EIPR1: variants seen among roughly 807,000 people sequenced by gnomAD.
EIPR1 encodes EARP complex and GARP complex interacting protein 1.
In EIPR1, 25 loss-of-function variants were observed where a neutral mutation model predicts 48.1. That is an observed-to-expected ratio of 0.52 (90% CI 0.38 to 0.73). EIPR1 has a LOEUF of 0.73. EIPR1 is among the 30% of genes least tolerant of loss of function. EIPR1 has a pLI of 0.00. For missense variants in EIPR1, 415 were observed against 506.2 expected (o/e 0.82, Z 1.73); for synonymous variants, 204 against 201.9 (o/e 1.01, Z -0.09).
intron 4 of EIPR1, among the ~76,000 whole-genome samples, chr2:3,249,423 G>C (rs530686784): frequency 6.6e-6 from 1 of 152,210 alleles, no homozygotes; most frequent in Non-Finnish European, 1.5e-5. Flanking sequence ...GTATTCAAGA[G>C]GTAGCCTGGC....
At chr2:3,325,495 G>T (rs555336761) in intron 3 of EIPR1, among the ~76,000 whole-genome samples, 1 of 152,162 alleles carries the variant, frequency 6.6e-6, no homozygotes, top group African/African-American at 2.4e-5. Context: ...CTCGAGGGCC[G>T]CCCAGTGAAA....
chr2:3,296,133 C>G (rs1337756225), intron 3 of EIPR1, among the ~76,000 whole-genome samples: 1 of 136,726 alleles, frequency 7.3e-6, no homozygotes, highest in Admixed American at 7.3e-5. Flanking sequence ...CCAGCCCATC[C>G]TCTCTGCACA....
chr2:3,189,536 C>G lies in EIPR1; in HGVS notation c.990-28G>C. 4 of 1,516,554 alleles carry G rather than the reference C, an allele frequency of 2.6e-6. No homozygotes were observed. The highest frequency in any genetic ancestry group is 3.6e-6 in the Non-Finnish European group (4 of 1,118,784). The allele number at this position is 1,516,554 out of a possible 1,614,324, so 93.9% of individuals were successfully genotyped here. A position where few individuals can be genotyped will look rare whatever the true frequency, so the allele number is the denominator to read the frequency against. On this transcript the variant is annotated intron_variant, in intron 8 of 8. Transcript: ENST00000382125. The surrounding 1 kb of genome is among the most constrained non-coding windows in gnomAD (Gnocchi z 4.6). The stretch of plus-strand genomic sequence containing the variant: ...GCAATGCAACAGAGGCAGACGTGAG[C>G]GCAGCAGCTCCGGCGGGGCGGGCAG...
chr2:3,239,655 G>T (rs905720693), intron 4 of EIPR1, among the ~76,000 whole-genome samples: 3 of 151,690 alleles, frequency 2.0e-5, no homozygotes, highest in African/African-American at 7.3e-5. Context: ...ATGTGGCCCT[G>T]CCCTCAGCAC....
rs541734612 is a variant in EIPR1, at chr2:3,305,811, T to A, written c.259+32206A>T. Among the ~76,000 whole-genome samples the A allele has an allele frequency of 3.9e-5, 6 of 152,354 alleles. No homozygotes were observed. The East Asian group carries it at 1.2e-3, about 29-fold the overall frequency. On this transcript the variant is annotated intron_variant, in intron 3 of 8. Transcript: ENST00000382125. ...CTATATCCAGACAGTCTTCTAAGTG[T>A]CTGTCATATCCATTTCTGATAAATT...
intron 5 of EIPR1, among the ~76,000 whole-genome samples, chr2:3,202,043 T>C (rs923666919): frequency 5.9e-5 from 9 of 152,270 alleles, no homozygotes; most frequent in Non-Finnish European, 1.0e-4. Flanking sequence ...GTTCACGCCA[T>C]TCTCCTGCCT....
At chr2:3,249,304 T>C (rs1666935018) in intron 4 of EIPR1, among the ~76,000 whole-genome samples, 1 of 152,234 alleles carries the variant, frequency 6.6e-6, no homozygotes, top group Non-Finnish European at 1.5e-5. Context: ...TGTTAATGCC[T>C]TAGCAAAGAG....
At chr2:3,287,415 C>T (rs576715566) in intron 3 of EIPR1, among the ~76,000 whole-genome samples, 6 of 146,490 alleles carry the variant, frequency 4.1e-5, no homozygotes, top group Admixed American at 1.4e-4. Flanking sequence ...GTGTTCACCA[C>T]GCTCCGGAAA....
At chr2:3,362,071 C>A (rs114692501) in intron 1 of EIPR1, among the ~76,000 whole-genome samples, 1 of 152,220 alleles carries the variant, frequency 6.6e-6, no homozygotes, top group Non-Finnish European at 1.5e-5. Context: ...CTAAACTGCC[C>A]GAGCCAGACC....
At chr2:3,357,868 C>T (rs938092154) in intron 1 of EIPR1, among the ~76,000 whole-genome samples, 1 of 152,206 alleles carries the variant, frequency 6.6e-6, no homozygotes, top group Non-Finnish European at 1.5e-5. Flanking sequence ...AAGGTGAAGA[C>T]ACAGATTCTC....
chr2:3,277,172 G>T (rs1201639032), intron 3 of EIPR1, among the ~76,000 whole-genome samples: 2 of 146,996 alleles, frequency 1.4e-5, no homozygotes, highest in Non-Finnish European at 3.0e-5. Context: ...AAATCCAGGA[G>T]CCTCTCCACC....
At chr2:3,288,610 T>TAA (rs1178640174) in intron 3 of EIPR1, among the ~76,000 whole-genome samples, 1 of 152,180 alleles carries the variant, frequency 6.6e-6, no homozygotes, top group Admixed American at 6.5e-5. Context: ...AATCTGTTGC[T>TAA]AAGCAACAGC....
chr2:3,253,676 T>C (rs4854158), intron 4 of EIPR1, among the ~76,000 whole-genome samples: 100,757 of 152,072 alleles, frequency 0.66, 33,627 homozygotes, highest in East Asian at 0.81. Context: ...ATTAGTGTTC[T>C]GGGGGGCACA....
chr2:3,275,642 T>C (rs1667826368), intron 3 of EIPR1, among the ~76,000 whole-genome samples: 1 of 152,156 alleles, frequency 6.6e-6, no homozygotes, highest in Non-Finnish European at 1.5e-5. Flanking sequence ...CCCCCTTTTA[T>C]GGAAAAGAGA....
At chr2:3,362,025 T>G (rs1332440110) in intron 1 of EIPR1, among the ~76,000 whole-genome samples, 1 of 152,268 alleles carries the variant, frequency 6.6e-6, no homozygotes. Context: ...GTTAGGCCCA[T>G]GCTTTCCAAA....
intron 7 of EIPR1, among the ~76,000 whole-genome samples, chr2:3,192,924 G>A (rs553925855): frequency 6.6e-6 from 1 of 152,142 alleles, no homozygotes; most frequent in East Asian, 1.9e-4. Context: ...GCGATATCCT[G>A]TAATATCAAA....
intron 4 of EIPR1, among the ~76,000 whole-genome samples, chr2:3,229,602 C>A (rs1399337232): frequency 1.3e-5 from 2 of 152,202 alleles, no homozygotes; most frequent in Non-Finnish European, 2.9e-5. Flanking sequence ...TTCACAGTTC[C>A]TTTCAATTTT....
chr2:3,371,824 G>A (rs1334118660), intron 1 of EIPR1, among the ~76,000 whole-genome samples: 4 of 152,202 alleles, frequency 2.6e-5, no homozygotes, highest in Admixed American at 2.0e-4. Flanking sequence ...ACAGATCAAC[G>A]ACACAGAAAG....
At chr2:3,329,706 C>T (rs563944734) in intron 3 of EIPR1, among the ~76,000 whole-genome samples, 4 of 151,070 alleles carry the variant, frequency 2.6e-5, no homozygotes, top group Non-Finnish European at 5.9e-5. Flanking sequence ...AGGGCACCAG[C>T]CTGGGCTCCC....
Sources: gnomAD v4.1 joint callset for allele counts (sites outside exome capture counted in the v4.1 genomes callset) on GRCh38, gnomAD v4.1.1 for gene constraint, Gnocchi (gnomAD v3.1) non-coding constraint, MANE v1.5 for transcripts, NCBI Gene and HGNC (gene_info 2026-07-23, HGNC 2026-07-21) for gene names.